The following FGFR3 variants were observed in gnomAD, a reference collection of about 807,000 sequenced individuals.
FGFR3 encodes FGFR-3.
In FGFR3, 25 loss-of-function variants were observed where a neutral mutation model predicts 82.9. The ratio of observed to expected loss-of-function variants is 0.30; its 90% CI spans 0.22 to 0.42. The LOEUF is 0.42. Among genes scored for constraint, FGFR3 ranks in the 10% least tolerant of loss-of-function variants. The pLI, the probability that FGFR3 is intolerant of heterozygous loss-of-function variation, is 1.00. For missense variants in FGFR3, 1,026 were observed against 1,161.0 expected, an observed-to-expected ratio of 0.88 and a Z score of 1.69; for synonymous variants, 620 against 516.0, an observed-to-expected ratio of 1.20 and a Z score of -2.73.
At chr4:1,793,651 G>A (rs1035497166) in intron 1 of FGFR3, among the ~76,000 whole-genome samples, 182 bp from the exon 2 acceptor site, 1 of 149,814 alleles carries the variant, frequency 6.7e-6, no homozygotes, top group African/African-American at 2.4e-5. Flanking sequence ...AGGGAGGGAA[G>A]GGGGAGGAGG....
At chr4:1,795,909 G>T (rs1363835504) in intron 2 of FGFR3, among the ~76,000 whole-genome samples, 1 of 152,160 alleles carries the variant, frequency 6.6e-6, no homozygotes, top group Admixed American at 6.5e-5. Flanking sequence ...CATTAACCTG[G>T]GCTGAGCCTG....
In FGFR3 at chr4:1,801,429, A is replaced by T. The variant is rs1721161103; in HGVS notation, c.508A>T (p.Asn170Tyr). 6.4e-7 allele frequency: 1 copy of T among 1,552,700 alleles called. No homozygotes were observed. The highest frequency in any genetic ancestry group is 8.7e-7 in the Non-Finnish European group (1 of 1,148,828). Reference sequence around the variant, plus strand: ...GAAGCTGCTGGCCGTGCCGGCCGCCAACACCGTCCGCTTCCGCTGCCCAGC... The same window carrying T: ...GAAGCTGCTGGCCGTGCCGGCCGCCTACACCGTCCGCTTCCGCTGCCCAGC... ...DKKLLAVPAA[N>Y]TVRFRCPAAG... Residue 170 changes from asparagine to tyrosine, a missense_variant, in exon 5 of 18, where the codon AAC (asparagine) becomes TAC (tyrosine). Asn to Tyr is a moderately radical substitution (Grantham distance 143, BLOSUM62 -2). Coordinates refer to ENST00000440486, the MANE Select transcript of FGFR3 (RefSeq NM_000142.5).
chr4:1,804,528 A>C lies in FGFR3; in HGVS notation c.1266+8A>C, dbSNP rs767252645. On this transcript the variant is annotated splice_region_variant and intron_variant, in intron 9 of 17. Transcript: ENST00000440486. The stretch of plus-strand genomic sequence containing the variant: ...TTCCCGCTCAAGCGACAGGTAACAG[A>C]AAGTAGATACCAGGTTCTGAGCTGC... 1 of 1,611,752 alleles carries C rather than the reference A, an allele frequency of 6.2e-7. No individual in the cohort carries two copies. Among genetic ancestry groups the C allele is most frequent in the South Asian group, 1.1e-5 (1 of 91,082 alleles).
intron 7 of FGFR3, 91 bp from the exon 8 acceptor site, chr4:1,803,601 C>G (rs919929670): frequency 1.3e-6 from 2 of 1,543,354 alleles, no homozygotes; most frequent in Non-Finnish European, 8.7e-7. Flanking sequence ...CGGCGTTTTC[C>G]TTGCAGCGGC....
Position 1,807,403 on chromosome 4 carries a change from G to A in FGFR3, c.*141G>A, listed in dbSNP as rs1431751073. ...TTGGTCTGTGTGTGTGTGTGTGCGT[G>A]TGTGTGTGTGTGTGTGCACATCCGC... On this transcript the variant is annotated 3_prime_UTR_variant, in exon 18 of 18. Transcript: ENST00000440486. 48 of 364,266 alleles carry A rather than the reference G, an allele frequency of 1.3e-4. No homozygotes were observed. Among genetic ancestry groups the A allele is most frequent in the African/African-American group, 4.2e-4 (4 of 9,420 alleles). The allele number at this position is 364,266 out of a possible 1,614,324, so 22.6% of individuals were successfully genotyped here.
chr4:1,798,445 C>T (rs1049265073), intron 2 of FGFR3, among the ~76,000 whole-genome samples: 1 of 151,982 alleles, frequency 6.6e-6, no homozygotes, highest in Non-Finnish European at 1.5e-5. Flanking sequence ...TTGTACTTTG[C>T]TCTTCTCGGT....
chr4:1,805,002 G>A, intron 10 of FGFR3, 33 bp downstream of exon 10: 1 of 1,529,306 alleles, frequency 6.5e-7, no homozygotes, highest in Non-Finnish European at 8.8e-7. Context: ...GTTGGCTGTA[G>A]GGGGCTTGGT....
chr4:1,805,725 C>A (rs767262088), intron 12 of FGFR3, 25 bp from the exon 13 acceptor site: 29 of 1,611,540 alleles, frequency 1.8e-5, no homozygotes, highest in Non-Finnish European at 2.2e-5. Flanking sequence ...GCCTGGCAGC[C>A]CGTCTGAGGA....
intron 7 of FGFR3, 76 bp downstream of exon 7, chr4:1,802,101 T>A: frequency 6.7e-7 from 1 of 1,489,996 alleles, no homozygotes; most frequent in Non-Finnish European, 9.2e-7. Flanking sequence ...TGGCTGCGGG[T>A]TGCGTGAGGA....
In FGFR3 at chr4:1,808,499, G is replaced by T. The variant is rs1046877311; in HGVS notation, c.*1237G>T. The stretch of plus-strand genomic sequence containing the variant: ...CGGTTTCCAGGGAGGGGCCGGCCCT[G>T]TGTGCAGGTTCCGATGTTATTAGAT... On this transcript the variant is annotated 3_prime_UTR_variant, in exon 18 of 18. Transcript: ENST00000440486. 4.3e-6 allele frequency: 1 copy of T among 231,624 alleles called. No homozygotes were observed. Among genetic ancestry groups the T allele is most frequent in the African/African-American group, 2.2e-5 (1 of 45,168 alleles). The allele number at this position is 231,624 out of a possible 1,614,324, so 14.3% of individuals were successfully genotyped here. A position where few individuals can be genotyped will look rare whatever the true frequency, so the allele number is the denominator to read the frequency against.
rs528979086 is a variant in FGFR3 at position 1,805,620 on chromosome 4, C to G, written c.1596C>G (p.Ile532Met). The G allele has an allele frequency of 1.9e-6, 3 of 1,613,226 alleles. No homozygotes were observed. The highest frequency in any genetic ancestry group is 2.5e-6 in the Non-Finnish European group (3 of 1,179,812). ...CTGAGATGGAGATGATGAAGATGAT[C>G]GGGAAACACAAAAACATCATCAACC... ...LVSEMEMMKMIGKHKNIINLL... is the reference protein window; with the variant it reads ...LVSEMEMMKMMGKHKNIINLL... Residue 532 changes from isoleucine (I) to methionine (M), a missense_variant, in exon 12 of 18, where the codon ATC becomes ATG. Physicochemically the swap from Ile to Met is conservative, Grantham distance 10. Transcript: ENST00000440486.
chr4:1,803,244 C>T, intron 7 of FGFR3: 1 of 749,744 alleles, frequency 1.3e-6, no homozygotes, highest in South Asian at 2.5e-5. Flanking sequence ...GCTTCGAGCC[C>T]TGTGGCCTGC....
intron 2 of FGFR3, among the ~76,000 whole-genome samples, chr4:1,798,927 C>T (rs943547498): frequency 6.6e-6 from 1 of 152,190 alleles, no homozygotes; most frequent in Non-Finnish European, 1.5e-5. Context: ...CGAAGAGTCA[C>T]ATTTTGTGAC....
intron 2 of FGFR3, among the ~76,000 whole-genome samples, chr4:1,795,734 A>AC (rs1339319415): frequency 3.3e-5 from 5 of 151,924 alleles, no homozygotes; most frequent in South Asian, 2.1e-4. Context: ...ACCTGGAGTG[A>AC]CCCCCCAGGG....
Position 1,804,451 on chromosome 4 carries a change from C to T in FGFR3, c.1197C>T (p.Arg399=), listed in dbSNP as rs2108797692. 1 of 1,612,724 alleles carries T rather than the reference C, an allele frequency of 6.2e-7. No homozygotes were observed. The highest frequency in any genetic ancestry group is 8.5e-7 in the Non-Finnish European group (1 of 1,179,688). ...CGGCTGTGACGCTCTGCCGCCTGCG[C>T]AGCCCCCCCAAGAAAGGCCTGGGCT... ...VVAAVTLCRL[R]SPPKKGLGSP... The change falls in exon 9 of 18, where the codon CGC becomes CGT. Residue 399 remains arginine (R), a synonymous_variant. Coordinates refer to ENST00000440486, the MANE Select transcript of FGFR3 (RefSeq NM_000142.5).
chr4:1,804,711 C>T (rs1005269403), intron 9 of FGFR3, 113 bp from the exon 10 acceptor site: 38 of 1,442,848 alleles, frequency 2.6e-5, no homozygotes, highest in Non-Finnish European at 3.4e-5. Context: ...AATCTTCATT[C>T]AATGCTGGTG....
chr4:1,805,256 C>T (rs1721739013), intron 10 of FGFR3, 99 bp from the exon 11 acceptor site: 4 of 1,578,692 alleles, frequency 2.5e-6, no homozygotes, highest in East Asian at 2.2e-5. Flanking sequence ...GAGGTGGTGG[C>T]TCTGGGCCTC....
rs1005779752 is a variant in FGFR3, at chr4:1,808,137, G to A, written c.*875G>A. On this transcript the variant is annotated 3_prime_UTR_variant, in exon 18 of 18. Coordinates refer to ENST00000440486, the MANE Select transcript of FGFR3 (RefSeq NM_000142.5). ...CTATTTATGGGCCCCTGGCACTCTT[G>A]TTCCCACACCCCAACACTTCCAGCA... 36 of 232,750 alleles carry A rather than the reference G, an allele frequency of 1.5e-4. No individual in the cohort carries two copies. Among genetic ancestry groups the A allele is most frequent in the Non-Finnish European group, 2.5e-5 (3 of 117,826 alleles). The allele number at this position is 232,750 out of a possible 1,614,324, so 14.4% of individuals were successfully genotyped here.
Position 1,793,932 on chromosome 4 carries a change from G to T in FGFR3, c.-3G>T, listed in dbSNP as rs1443712231. On this transcript the variant is annotated 5_prime_UTR_variant, in exon 2 of 18. Coordinates refer to ENST00000440486, the MANE Select transcript of FGFR3 (RefSeq NM_000142.5). ...TGAGGACGCCGCGGCCCCCGCCCCC[G>T]CCATGGGCGCCCCTGCCTGCGCCCT... 3 of 1,293,910 alleles carry T rather than the reference G, an allele frequency of 2.3e-6. No homozygotes were observed. Among genetic ancestry groups the T allele is most frequent in the East Asian group, 3.2e-5 (1 of 30,826 alleles). 80.2% of individuals were successfully genotyped at this position (1,293,910 alleles called of 1,614,324 possible). A position where few individuals can be genotyped will look rare whatever the true frequency, so the allele number is the denominator to read the frequency against.
Sources: gnomAD v4.1 joint callset for allele counts (sites outside exome capture counted in the v4.1 genomes callset) on GRCh38, gnomAD v4.1.1 for gene constraint, MANE v1.5 for transcripts, NCBI Gene and HGNC (gene_info 2026-07-23, HGNC 2026-07-21) for gene names.